EPB41L2: variants seen among roughly 807,000 people sequenced by gnomAD.
EPB41L2 encodes the protein erythrocyte membrane protein band 4.1 like 2, also known as band 4.1-like protein 2.
In EPB41L2, 43 loss-of-function variants were observed where a neutral mutation model predicts 113.0. That is an observed-to-expected ratio of 0.38 (90% CI 0.30 to 0.49). EPB41L2 has a LOEUF of 0.49. Among genes scored for constraint, EPB41L2 ranks in the 20% least tolerant of loss-of-function variants. The pLI, the probability that EPB41L2 is intolerant of heterozygous loss-of-function variation, is 0.95. For synonymous variants in EPB41L2, 442 were observed against 436.7 expected (o/e 1.01, Z -0.15); for missense variants, 1,147 against 1,223.4 (o/e 0.94, Z 0.93).
chr6:131,012,047 A>C (rs1787121625), intron 1 of EPB41L2, among the ~76,000 whole-genome samples: 1 of 152,084 alleles, frequency 6.6e-6, no homozygotes, highest in South Asian at 2.1e-4. Flanking sequence ...TCTACTAAAA[A>C]TACAAAAATT....
chr6:130,982,606 A>C (rs933031653), intron 1 of EPB41L2, among the ~76,000 whole-genome samples: 2 of 152,234 alleles, frequency 1.3e-5, no homozygotes, highest in African/African-American at 4.8e-5. Context: ...CAAAACGTAA[A>C]GAACTCAATA....
chr6:130,843,175 C>T (rs890132982), intron 19 of EPB41L2, among the ~76,000 whole-genome samples: 4 of 152,110 alleles, frequency 2.6e-5, no homozygotes, highest in African/African-American at 9.7e-5. Flanking sequence ...TTCCTAAGTA[C>T]TAAACAGTTA....
intron 1 of EPB41L2, among the ~76,000 whole-genome samples, chr6:130,962,892 A>G (rs1773961304): frequency 1.3e-5 from 2 of 152,118 alleles, no homozygotes; most frequent in Admixed American, 1.3e-4. Context: ...TTGGCAAGAA[A>G]ATATGCACGA....
chr6:130,863,504 G>A (rs1782788421), intron 18 of EPB41L2, 134 bp downstream of exon 18: 2 of 609,442 alleles, frequency 3.3e-6, no homozygotes, highest in Non-Finnish European at 5.8e-6. Flanking sequence ...GTGTCTTTAT[G>A]TCCTGCTTAG....
intron 1 of EPB41L2, among the ~76,000 whole-genome samples, chr6:130,989,988 T>G (rs539458442): frequency 3.3e-5 from 5 of 152,164 alleles, no homozygotes; most frequent in Non-Finnish European, 7.3e-5. Context: ...CAATTTAGAC[T>G]GGGTAACAAC....
rs146357940 is a variant in EPB41L2, at chr6:130,841,651, C to A, written c.*6-1053G>T. On this transcript the variant is annotated intron_variant, in intron 19 of 19. Transcript: ENST00000337057. ...TGGGAGAGAAATTTGAGAGGCACCACTAAGGAGAATAATCAGAGTGTGGTG... is the reference window on the plus strand; with the variant it reads ...TGGGAGAGAAATTTGAGAGGCACCAATAAGGAGAATAATCAGAGTGTGGTG... Among the ~76,000 whole-genome samples the A allele has an allele frequency of 1.7e-3, 258 of 152,238 alleles. 1 individual carries two copies. The highest frequency in any genetic ancestry group is 5.9e-3 in the African/African-American group (244 of 41,546).
chr6:131,023,038 A>G (rs1037012499), intron 1 of EPB41L2, among the ~76,000 whole-genome samples: 2 of 152,218 alleles, frequency 1.3e-5, no homozygotes, highest in Admixed American at 6.5e-5. Context: ...TAAATTAGTA[A>G]AAAGTATTGA....
chr6:131,060,451 T>C (rs1475918286), intron 1 of EPB41L2, among the ~76,000 whole-genome samples: 1 of 152,218 alleles, frequency 6.6e-6, no homozygotes, highest in African/African-American at 2.4e-5. Context: ...TGAAAGCAAG[T>C]GGTTGGGTAG....
At chr6:131,015,227 T>A (rs890248801) in intron 1 of EPB41L2, 13 of 152,328 alleles carry the variant, frequency 8.5e-5, no homozygotes, top group African/African-American at 3.1e-4. Context: ...ATACTACTTA[T>A]GAGAAAGCAT....
At chr6:130,953,343 G>T (rs1293197974) in intron 3 of EPB41L2, among the ~76,000 whole-genome samples, 1 of 152,102 alleles carries the variant, frequency 6.6e-6, no homozygotes, top group Non-Finnish European at 1.5e-5. Context: ...AGAAAAGAAA[G>T]CTTTAAGGAC....
At chr6:130,855,015 G>T (rs140982428) in intron 19 of EPB41L2, among the ~76,000 whole-genome samples, 1 of 152,046 alleles carries the variant, frequency 6.6e-6, no homozygotes, top group Non-Finnish European at 1.5e-5. Context: ...TCCAGCCTGG[G>T]AGACAGAGGG....
intron 1 of EPB41L2, among the ~76,000 whole-genome samples, chr6:131,037,187 A>G (rs1023478826): frequency 6.6e-6 from 1 of 152,240 alleles, no homozygotes; most frequent in Non-Finnish European, 1.5e-5. Flanking sequence ...GGTTTTCATC[A>G]TTCCACAAGC....
chr6:130,975,505 T>G (rs970256662), intron 1 of EPB41L2, among the ~76,000 whole-genome samples: 2 of 152,192 alleles, frequency 1.3e-5, no homozygotes, highest in African/African-American at 4.8e-5. Flanking sequence ...GAGTCACTCA[T>G]GGCTCAAAAA....
intron 4 of EPB41L2, among the ~76,000 whole-genome samples, chr6:130,923,356 A>G (rs1055615789): frequency 6.6e-6 from 1 of 152,262 alleles, no homozygotes; most frequent in Middle Eastern, 3.4e-3. Flanking sequence ...ATGGTTTGCC[A>G]TTTTTCTTAG....
intron 8 of EPB41L2, among the ~76,000 whole-genome samples, chr6:130,897,076 G>A (rs1224743157): frequency 1.3e-5 from 2 of 152,210 alleles, no homozygotes; most frequent in Admixed American, 6.5e-5. Context: ...CAGACCTAGA[G>A]AGATTAGGAT....
chr6:130,929,117 C>T (rs138451891), intron 3 of EPB41L2, among the ~76,000 whole-genome samples: 3 of 152,294 alleles, frequency 2.0e-5, no homozygotes, highest in African/African-American at 7.2e-5. Context: ...CCACCCTCAA[C>T]GAACTCAAAA....
At chr6:131,049,304 C>T (rs1796091323) in intron 1 of EPB41L2, among the ~76,000 whole-genome samples, 1 of 152,232 alleles carries the variant, frequency 6.6e-6, no homozygotes, top group Admixed American at 6.5e-5. Flanking sequence ...TGGCCAAGAT[C>T]CAGAAACAGT....
At chr6:130,881,131 A>G (rs1263298823) in intron 12 of EPB41L2, 1 of 152,214 alleles carries the variant, frequency 6.6e-6, no homozygotes, top group African/African-American at 2.4e-5. Flanking sequence ...AAACTAACAA[A>G]TACTGACTGA....
chr6:130,988,655 A>C (rs2128690879), intron 1 of EPB41L2, among the ~76,000 whole-genome samples: 1 of 152,348 alleles, frequency 6.6e-6, no homozygotes, highest in Admixed American at 6.5e-5. Context: ...TGGTAGACCA[A>C]GTCTACCTTC....
Sources: allele counts gnomAD v4.1 joint callset (sites outside exome capture counted in the v4.1 genomes callset), GRCh38; gene constraint gnomAD v4.1.1; transcripts MANE v1.5; gene names NCBI Gene and HGNC (gene_info 2026-07-23, HGNC 2026-07-21).